UAP1: variants seen among roughly 807,000 people sequenced by gnomAD.
UAP1 encodes the protein UDP-N-acetylglucosamine pyrophosphorylase 1, also known as UDP-N-acetylhexosamine pyrophosphorylase.
A neutral mutation model predicts 58.5 loss-of-function variants in UAP1; 25 were observed. That is an observed-to-expected ratio of 0.43 (90% CI 0.31 to 0.60). The LOEUF (loss-of-function observed/expected upper bound fraction) is 0.60, where lower values mean the gene tolerates loss of function less well. Ranked by LOEUF, UAP1 falls within the 20% of genes least tolerant of loss-of-function variation. The pLI, the probability that UAP1 is intolerant of heterozygous loss-of-function variation, is 0.11. For synonymous variants in UAP1, 208 were observed against 213.0 expected (o/e 0.98, Z 0.21); for missense variants, 575 against 630.0 (o/e 0.91, Z 0.93).
At chr1:162,566,741 C>T (rs1262210772) in intron 2 of UAP1, among the ~76,000 whole-genome samples, 6 of 152,110 alleles carry the variant, frequency 3.9e-5, no homozygotes, top group Non-Finnish European at 8.8e-5. Flanking sequence ...ATTCTCCTGC[C>T]TCAGCCTCCC....
chr1:162,593,084 A>C, intron 9 of UAP1: 3 of 430,860 alleles, frequency 7.0e-6, no homozygotes, highest in Non-Finnish European at 1.3e-5. Context: ...CAGGTCAGGG[A>C]GAACACATTT....
chr1:162,589,744 G>A (rs188596042), intron 7 of UAP1, among the ~76,000 whole-genome samples: 20 of 152,310 alleles, frequency 1.3e-4, no homozygotes, highest in Middle Eastern at 6.8e-3. Context: ...GCTGAGGCGG[G>A]TGGATGACTT....
chr1:162,595,971 C>T (rs1289823908), intron 9 of UAP1, among the ~76,000 whole-genome samples: 1 of 152,036 alleles, frequency 6.6e-6, no homozygotes. Context: ...CCTGCCTCAG[C>T]CTCCTGAGTA....
chr1:162,591,187 AAT>A (rs1655288374), intron 8 of UAP1, among the ~76,000 whole-genome samples: 3 of 152,080 alleles, frequency 2.0e-5, no homozygotes, highest in Non-Finnish European at 4.4e-5. Flanking sequence ...GGCCTCCCAA[AAT>A]GCTGGGATTA....
intron 2 of UAP1, among the ~76,000 whole-genome samples, chr1:162,568,918 A>G (rs1009126363): frequency 2.6e-5 from 4 of 152,190 alleles, no homozygotes; most frequent in African/African-American, 9.7e-5. Context: ...TTGTTGGACT[A>G]TGTGGAGCTA....
chr1:162,596,662 G>A (rs578136902), intron 9 of UAP1, among the ~76,000 whole-genome samples: 2 of 152,274 alleles, frequency 1.3e-5, no homozygotes, highest in South Asian at 2.1e-4. Context: ...CTCAGGATAA[G>A]TAAGGTGAAG....
chr1:162,597,039 TTTTGGTAACAGAGAAGTAC>T (rs1655659873), intron 9 of UAP1, among the ~76,000 whole-genome samples: 1 of 152,228 alleles, frequency 6.6e-6, no homozygotes, highest in South Asian at 2.1e-4. Flanking sequence ...AAAAAGGGAC[TTTTGGTAACAGAGAAGTAC>T]TTTGAAACAT....
chr1:162,578,464 C>T (rs955992854), intron 3 of UAP1, among the ~76,000 whole-genome samples: 4 of 152,182 alleles, frequency 2.6e-5, no homozygotes, highest in African/African-American at 4.8e-5. Flanking sequence ...GAGTACTGGC[C>T]TGCTGTGAAC....
chr1:162,561,753 C>T (rs1437480459), exon 1 of UAP1: 1 of 152,406 alleles, frequency 6.6e-6, no homozygotes, highest in South Asian at 2.1e-4. Context: ...TGGAGACGGT[C>T]GTAGCTGCGG....
intron 2 of UAP1, among the ~76,000 whole-genome samples, chr1:162,567,666 C>G (rs1011718494): frequency 6.6e-6 from 1 of 152,164 alleles, no homozygotes; most frequent in African/African-American, 2.4e-5. Flanking sequence ...CAAATACTTT[C>G]CTTAGCTTTT....
chr1:162,590,411 A>G, exon 8 of UAP1: 1 of 1,613,796 alleles, frequency 6.2e-7, no homozygotes, highest in South Asian at 1.1e-5. Context: ...CAACCCTACT[A>G]CTGCAAGGCA....
intron 2 of UAP1, among the ~76,000 whole-genome samples, chr1:162,570,264 A>G (rs1332453699): frequency 2.0e-5 from 3 of 151,882 alleles, no homozygotes; most frequent in Admixed American, 1.3e-4. Flanking sequence ...GTAATATTTT[A>G]CAGTCTTTTC....
At chr1:162,581,211 C>G in intron 4 of UAP1, 76 bp from the exon 5 acceptor site, 1 of 1,472,484 alleles carries the variant, frequency 6.8e-7, no homozygotes, top group Non-Finnish European at 9.1e-7. Flanking sequence ...GATCTTAACC[C>G]TAGTTTGGAA....
chr1:162,570,287 A>T lies in UAP1; in HGVS notation c.280+3939A>T, dbSNP rs539347039. ...TTACAGTCTTTTCTTTCACACACAC[A>T]CATATGCATATATTGGGATTGTGTA... On this transcript the variant is annotated intron_variant, in intron 2 of 10. Coordinates refer to ENST00000271469, the Ensembl canonical transcript of UAP1. Among the ~76,000 whole-genome samples, 9 of 152,266 alleles carry T rather than the reference A, an allele frequency of 5.9e-5. No homozygotes were observed. The South Asian group carries it at 1.9e-3, about 32-fold the overall frequency.
chr1:162,577,714 C>T (rs1355171332), intron 3 of UAP1, among the ~76,000 whole-genome samples: 1 of 151,970 alleles, frequency 6.6e-6, no homozygotes, highest in Non-Finnish European at 1.5e-5. Flanking sequence ...CGGGTTCAAG[C>T]GGTTCTCCTG....
chr1:162,591,789 C>CT (rs879315624), intron 8 of UAP1, among the ~76,000 whole-genome samples: 77 of 137,396 alleles, frequency 5.6e-4, no homozygotes, highest in Admixed American at 1.3e-3. Flanking sequence ...TCTGGCCAAT[C>CT]TTTTTTTTTT....
chr1:162,599,233 A>C lies in UAP1; in HGVS notation c.1477-38A>C, dbSNP rs12090991. The stretch of plus-strand genomic sequence containing the variant: ...AGTCCAGCACTGCATGACAAGTGCA[A>C]ATTTTCTAATTGTGTTTCATTTCAA... On this transcript the variant is annotated intron_variant, in intron 10 of 10. Transcript: ENST00000271469. 4.8e-3 allele frequency: 7,244 copies of C among 1,496,908 alleles called. 229 individuals are homozygous for C. In the African/African-American group the frequency reaches 0.075, roughly 16 times the overall value. The allele number at this position is 1,496,908 out of a possible 1,614,324, so 92.7% of individuals were successfully genotyped here. A position where few individuals can be genotyped will look rare whatever the true frequency, so the allele number is the denominator to read the frequency against.
At chr1:162,571,092 CTTTTTTT>C (rs201314469) in intron 2 of UAP1, among the ~76,000 whole-genome samples, 36 of 124,454 alleles carry the variant, frequency 2.9e-4, no homozygotes, top group African/African-American at 6.7e-4. Context: ...GTCTGGCTTT[CTTTTTTT>C]TTTTTTTTTT....
chr1:162,600,834 G>T (rs1655870000), downstream of UAP1, among the ~76,000 whole-genome samples: 1 of 152,104 alleles, frequency 6.6e-6, no homozygotes, highest in African/African-American at 2.4e-5. Flanking sequence ...ATTGAAATGA[G>T]CTCCAAATGG....
Sources: allele counts gnomAD v4.1 joint callset (sites outside exome capture counted in the v4.1 genomes callset), GRCh38; gene constraint gnomAD v4.1.1; transcripts MANE v1.5; gene names NCBI Gene and HGNC (gene_info 2026-07-23, HGNC 2026-07-21).